The following NRG1 variants were observed in gnomAD, a reference collection of about 807,000 sequenced individuals.
NRG1 encodes the protein neuregulin 1.
Under a neutral mutation model 63.8 loss-of-function variants are expected in NRG1, and 18 were observed. The ratio of observed to expected loss-of-function variants is 0.28; its 90% CI spans 0.19 to 0.42. The LOEUF (loss-of-function observed/expected upper bound fraction) is 0.42. NRG1 is among the 10% of genes least tolerant of loss of function. The pLI, the probability that NRG1 is intolerant of heterozygous loss-of-function variation, is 1.00. For synonymous variants in NRG1, 302 were observed against 301.3 expected (o/e 1.00, Z -0.02); for missense variants, 762 against 814.7 (o/e 0.94, Z 0.79).
intron 1 of NRG1, among the ~76,000 whole-genome samples, chr8:32,353,198 A>G (rs1017216774): frequency 1.7e-4 from 25 of 150,642 alleles, no homozygotes; most frequent in African/African-American, 6.1e-4. Context: ...TTATGCCATG[A>G]AAGAGACAAA....
chr8:32,438,939 C>T (rs867645941), intron 1 of NRG1, among the ~76,000 whole-genome samples: 20 of 152,142 alleles, frequency 1.3e-4, no homozygotes, highest in Middle Eastern at 3.4e-3. Flanking sequence ...AGTCCTTTGT[C>T]GGATATGTGA....
At chr8:31,907,008 A>G (rs1282037194) in intron 1 of NRG1, among the ~76,000 whole-genome samples, 10 of 152,150 alleles carry the variant, frequency 6.6e-5, no homozygotes, top group African/African-American at 2.4e-4. Flanking sequence ...ACAGAGCAAA[A>G]AGTTTACTGA....
intron 1 of NRG1, among the ~76,000 whole-genome samples, chr8:31,933,924 A>G (rs1444632064): frequency 6.6e-6 from 1 of 152,160 alleles, no homozygotes; most frequent in Non-Finnish European, 1.5e-5. Context: ...AACACCTGTG[A>G]TGGAAAAAAT....
intron 1 of NRG1, among the ~76,000 whole-genome samples, chr8:32,271,038 G>A (rs1366755025): frequency 2.0e-5 from 3 of 152,100 alleles, no homozygotes; most frequent in Non-Finnish European, 4.4e-5. Flanking sequence ...GATGAAAAGT[G>A]TTTTGGGGCC....
At chr8:31,780,148 A>G (rs867035936) in intron 1 of NRG1, among the ~76,000 whole-genome samples, 1 of 152,216 alleles carries the variant, frequency 6.6e-6, no homozygotes, top group Non-Finnish European at 1.5e-5. Context: ...TGGAATTTTT[A>G]AATGATTTCC....
chr8:32,589,554 G>A (rs933319597), intron 1 of NRG1, among the ~76,000 whole-genome samples: 5 of 152,150 alleles, frequency 3.3e-5, no homozygotes, highest in Non-Finnish European at 7.4e-5. Context: ...TGTGTAATTT[G>A]TTCAATGTGT....
intron 1 of NRG1, among the ~76,000 whole-genome samples, chr8:31,988,335 C>T (rs1204770399): frequency 6.6e-6 from 1 of 152,042 alleles, no homozygotes; most frequent in Non-Finnish European, 1.5e-5. Context: ...CTTCCCACTC[C>T]CCTAGTCCTC....
intron 1 of NRG1, among the ~76,000 whole-genome samples, chr8:31,920,872 A>ATAGG (rs1188792574): frequency 7.3e-6 from 1 of 136,492 alleles, no homozygotes; most frequent in African/African-American, 2.8e-5. Context: ...ACATAGATAG[A>ATAGG]TAGATAGATA....
intron 1 of NRG1, among the ~76,000 whole-genome samples, chr8:32,104,852 T>C (rs912889776): frequency 1.3e-5 from 2 of 151,828 alleles, no homozygotes; most frequent in Non-Finnish European, 2.9e-5. Flanking sequence ...CCTATAACAA[T>C]GCCTTCTTCT....
intron 1 of NRG1, among the ~76,000 whole-genome samples, chr8:31,747,070 A>T (rs540606161): frequency 6.6e-6 from 1 of 151,988 alleles, no homozygotes; most frequent in East Asian, 1.9e-4. Context: ...ACAAAAAGGT[A>T]GTTAGAAAGA....
chr8:32,052,571 T>C (rs949713163), intron 1 of NRG1, among the ~76,000 whole-genome samples: 1 of 152,174 alleles, frequency 6.6e-6, no homozygotes, highest in African/African-American at 2.4e-5. Context: ...TAGGACGTAT[T>C]CACCTTAGAG....
intron 1 of NRG1, among the ~76,000 whole-genome samples, chr8:32,325,720 C>A (rs917340130): frequency 1.3e-5 from 2 of 151,934 alleles, no homozygotes; most frequent in Admixed American, 1.3e-4. Context: ...TGCTGAGCCT[C>A]AAAAAGCAAG....
intron 1 of NRG1, among the ~76,000 whole-genome samples, chr8:32,432,572 G>A (rs1238055253): frequency 1.3e-5 from 2 of 152,052 alleles, no homozygotes; most frequent in Non-Finnish European, 2.9e-5. Flanking sequence ...GGAGTTCAGT[G>A]GCTCTCAGCT....
chr8:32,767,934 G>A (rs1831552784), exon 12 of NRG1: 1 of 152,134 alleles, frequency 6.6e-6, no homozygotes, highest in South Asian at 2.1e-4. Context: ...AAGACATACT[G>A]CAATAAAAAT....
At chr8:31,936,539 A>C (rs1415163040) in intron 1 of NRG1, among the ~76,000 whole-genome samples, 1 of 152,186 alleles carries the variant, frequency 6.6e-6, no homozygotes, top group African/African-American at 2.4e-5. Context: ...AAAATGACCA[A>C]ATGTGTACAA....
intron 1 of NRG1, among the ~76,000 whole-genome samples, chr8:31,858,335 A>T (rs561408038): frequency 6.6e-6 from 1 of 151,978 alleles, no homozygotes; most frequent in Non-Finnish European, 1.5e-5. Flanking sequence ...CGAAGAACTC[A>T]ACGTTGACCA....
At chr8:32,218,652 A>T (rs973185202) in intron 1 of NRG1, among the ~76,000 whole-genome samples, 1 of 152,348 alleles carries the variant, frequency 6.6e-6, no homozygotes, top group South Asian at 2.1e-4. Flanking sequence ...GAAATGCAGC[A>T]TCCTCATCTG....
chr8:31,877,505 T>G (rs1830020567), intron 1 of NRG1, among the ~76,000 whole-genome samples: 1 of 151,892 alleles, frequency 6.6e-6, no homozygotes. Context: ...GTGTATGAAA[T>G]AGATAATATA....
chr8:32,464,602 G>A (rs1024482850), intron 1 of NRG1, among the ~76,000 whole-genome samples: 8 of 152,076 alleles, frequency 5.3e-5, no homozygotes, highest in Non-Finnish European at 1.2e-4. Context: ...CTTTCTGAAG[G>A]GGTTCTGTCA....
Sources: gnomAD v4.1 joint callset for allele counts (sites outside exome capture counted in the v4.1 genomes callset) on GRCh38, gnomAD v4.1.1 for gene constraint, MANE v1.5 for transcripts, NCBI Gene and HGNC (gene_info 2026-07-23, HGNC 2026-07-21) for gene names.